TLCD4: variants seen among roughly 807,000 people sequenced by gnomAD.
TLCD4 encodes TLC domain-containing protein 4.
A neutral mutation model predicts 24.2 loss-of-function variants in TLCD4; 7 were observed. That is an observed-to-expected ratio of 0.29 (90% CI 0.16 to 0.54). The LOEUF is 0.54. Ranked by LOEUF, TLCD4 falls within the 20% of genes least tolerant of loss-of-function variation. The pLI, the probability that TLCD4 is intolerant of heterozygous loss-of-function variation, is 0.95. For missense variants in TLCD4, 259 were observed against 313.9 expected (o/e 0.82, Z 1.32); for synonymous variants, 103 against 106.4 (o/e 0.97, Z 0.20).
chr1:95,160,726 T>C (rs973410423), intron 5 of TLCD4, among the ~76,000 whole-genome samples: 1 of 152,248 alleles, frequency 6.6e-6, no homozygotes, highest in African/African-American at 2.4e-5. Context: ...TGTTGAATTT[T>C]GTCGAAGGCC....
At chr1:95,106,784 T>A in the TLCD4 span, among the ~76,000 whole-genome samples, 1,724 of 152,300 alleles carry the variant, frequency 0.011, 31 homozygotes, top group African/African-American at 0.036. Context: ...TGAAAAGGGA[T>A]GGCAATGGGT....
At chr1:95,190,096 C>CTTTTTT (rs71097254) in intron 6 of TLCD4, among the ~76,000 whole-genome samples, 2 of 135,142 alleles carry the variant, frequency 1.5e-5, no homozygotes, top group Non-Finnish European at 3.3e-5. Context: ...TTTGCACTTT[C>CTTTTTT]TTTTTTTTTT....
intron 5 of TLCD4, among the ~76,000 whole-genome samples, chr1:95,170,328 T>C (rs1160887145): frequency 8.6e-6 from 1 of 115,720 alleles, no homozygotes; most frequent in Middle Eastern, 5.5e-3. Flanking sequence ...ATACAAATCA[T>C]TCTTTTTTTT....
chr1:95,185,344 T>C (rs1678795570), intron 6 of TLCD4, among the ~76,000 whole-genome samples: 1 of 152,096 alleles, frequency 6.6e-6, no homozygotes, highest in Non-Finnish European at 1.5e-5. Context: ...CTCCTCTGAG[T>C]TGAAAGGTAA....
intron 5 of TLCD4, among the ~76,000 whole-genome samples, chr1:95,159,006 C>A (rs1369445188): frequency 6.6e-6 from 1 of 152,092 alleles, no homozygotes; most frequent in South Asian, 2.1e-4. Flanking sequence ...GAATTATAAT[C>A]CTTTGGGTTT....
chr1:95,093,311 C>T, the TLCD4 span, among the ~76,000 whole-genome samples: 3 of 152,188 alleles, frequency 2.0e-5, no homozygotes, highest in Admixed American at 2.0e-4. Flanking sequence ...TTAAGGACTA[C>T]TGATTGTGTC....
At chr1:95,113,917 T>C (rs1456225295), upstream of TLCD4, among the ~76,000 whole-genome samples, 1 of 151,940 alleles carries the variant, frequency 6.6e-6, no homozygotes, top group Non-Finnish European at 1.5e-5. Context: ...GCCACTGTAC[T>C]CCTGTACCCC....
chr1:95,156,557 G>A (rs1052352905), intron 5 of TLCD4, among the ~76,000 whole-genome samples: 4 of 152,098 alleles, frequency 2.6e-5, no homozygotes, highest in African/African-American at 9.7e-5. Context: ...ATGATGATAT[G>A]CAGAAAAAAA....
At chr1:95,161,620 C>T (rs1004790774) in intron 5 of TLCD4, among the ~76,000 whole-genome samples, 9 of 152,166 alleles carry the variant, frequency 5.9e-5, no homozygotes, top group African/African-American at 2.2e-4. Flanking sequence ...ATCTTTCCTG[C>T]TTTCTCTTGT....
intron 6 of TLCD4, among the ~76,000 whole-genome samples, chr1:95,176,317 G>A (rs894259105): frequency 3.3e-5 from 5 of 151,244 alleles, no homozygotes; most frequent in African/African-American, 1.2e-4. Context: ...TCAGTCTCTT[G>A]AGTAGCTAGA....
chr1:95,183,155 G>A (rs1678706988), intron 6 of TLCD4, among the ~76,000 whole-genome samples: 1 of 152,196 alleles, frequency 6.6e-6, no homozygotes, highest in Admixed American at 6.5e-5. Context: ...GTTCTTAGTT[G>A]TGTGAATGGA....
At chr1:95,168,862 G>T (rs1012691208) in intron 5 of TLCD4, among the ~76,000 whole-genome samples, 15 of 152,186 alleles carry the variant, frequency 9.9e-5, no homozygotes, top group African/African-American at 3.6e-4. Context: ...AACAGGAAAT[G>T]TAGATATTTG....
Position 95,197,353 on chromosome 1 carries a change from TTA to T in TLCD4, c.*5487_*5488del, listed in dbSNP as rs1679234673. On this transcript the variant is annotated 3_prime_UTR_variant, in exon 7 of 7. Coordinates refer to ENST00000370203, the MANE Select transcript of TLCD4 (RefSeq NM_152487.3). ...TAAAATTTTGAAATGTTTGTATACT[TTA>T]TGTGTGCCATTTTAAAGTATATGCA... 6.6e-6 allele frequency: 1 copy of T among 152,176 alleles called. No individual in the cohort carries two copies. Among genetic ancestry groups the T allele is most frequent in the Non-Finnish European group, 1.5e-5 (1 of 68,038 alleles). 9.4% of individuals were successfully genotyped at this position (152,176 alleles called of 1,614,324 possible).
At chr1:95,172,434 C>G (rs1400533702) in intron 5 of TLCD4, among the ~76,000 whole-genome samples, 2 of 152,172 alleles carry the variant, frequency 1.3e-5, no homozygotes, top group Non-Finnish European at 2.9e-5. Flanking sequence ...ATAATTCTTT[C>G]TCCTCCATTG....
At chr1:95,141,763 A>C (rs2148797) in intron 1 of TLCD4, among the ~76,000 whole-genome samples, 1 of 149,012 alleles carries the variant, frequency 6.7e-6, no homozygotes, top group East Asian at 2.0e-4. Flanking sequence ...CTCATAGAGA[A>C]GAATTGTAAT....
chr1:95,101,120 G>T, the TLCD4 span, among the ~76,000 whole-genome samples: 1 of 151,814 alleles, frequency 6.6e-6, no homozygotes, highest in African/African-American at 2.4e-5. Context: ...TCTTGGCCAG[G>T]CTGGTCTTGA....
At chr1:95,131,876 G>T (rs1317570792) in intron 1 of TLCD4, among the ~76,000 whole-genome samples, 2 of 152,198 alleles carry the variant, frequency 1.3e-5, no homozygotes, top group Non-Finnish European at 1.5e-5. Flanking sequence ...CTAGTGAGAG[G>T]TGTTAGAATC....
chr1:95,166,552 A>G lies in TLCD4; in HGVS notation c.400-7264A>G, dbSNP rs555754087. ...AAATAGCAGTGTTCATTAGTAGTGC[A>G]TCCAGTCCTTCCTGACTGTAATGAT... On this transcript the variant is annotated intron_variant, in intron 5 of 6. Coordinates refer to ENST00000370203, the MANE Select transcript of TLCD4 (RefSeq NM_152487.3). Among the ~76,000 whole-genome samples the G allele has an allele frequency of 2.0e-5, 3 of 152,292 alleles. No homozygotes were observed. The East Asian group carries it at 5.8e-4, about 29-fold the overall frequency.
At chr1:95,128,279 C>G (rs11165316) in intron 1 of TLCD4, among the ~76,000 whole-genome samples, 36,470 of 151,938 alleles carry the variant, frequency 0.24, 4,448 homozygotes, top group Admixed American at 0.29. Context: ...TTCTTTTTGG[C>G]TTCATTCTGC....
Sources: allele counts gnomAD v4.1 joint callset (sites outside exome capture counted in the v4.1 genomes callset), GRCh38; gene constraint gnomAD v4.1.1; transcripts MANE v1.5; gene names NCBI Gene and HGNC (gene_info 2026-07-23, HGNC 2026-07-21).